The following CDIN1 variants were observed in gnomAD, a reference collection of about 807,000 sequenced individuals.
The protein encoded by CDIN1 is CDAN1 interacting nuclease 1.
A neutral mutation model predicts 45.3 loss-of-function variants in CDIN1; 33 were observed. That is an observed-to-expected ratio of 0.73 (90% CI 0.55 to 0.97). CDIN1 has a LOEUF of 0.97. CDIN1 is among the 50% of genes least tolerant of loss of function. CDIN1 has a pLI of 0.00. For synonymous variants in CDIN1, 118 were observed against 124.4 expected (o/e 0.95, Z 0.34); for missense variants, 303 against 339.4 (o/e 0.89, Z 0.84).
chr15:36,715,333 C>T (rs569602498), intron 10 of CDIN1, among the ~76,000 whole-genome samples: 2 of 152,258 alleles, frequency 1.3e-5, no homozygotes, highest in African/African-American at 2.4e-5. Context: ...GTTATTTACT[C>T]AATGGTCTGG....
At chr15:36,604,456 C>CACAT (rs1241807342) in intron 1 of CDIN1, among the ~76,000 whole-genome samples, 3 of 151,208 alleles carry the variant, frequency 2.0e-5, no homozygotes, top group African/African-American at 4.9e-5. Flanking sequence ...CACACACACA[C>CACAT]ATTTTAGAGT....
At chr15:36,599,754 A>G (rs1014513209) in intron 1 of CDIN1, among the ~76,000 whole-genome samples, 10 of 152,204 alleles carry the variant, frequency 6.6e-5, no homozygotes, top group Admixed American at 5.9e-4. Context: ...CAGCTCCACG[A>G]TGTTCTGACA....
chr15:36,740,147 A>T (rs2044179066), intron 10 of CDIN1, among the ~76,000 whole-genome samples: 1 of 152,198 alleles, frequency 6.6e-6, no homozygotes, highest in Non-Finnish European at 1.5e-5. Flanking sequence ...GTGTCAAGGA[A>T]ACATGTTTTC....
At chr15:36,797,298 G>C (rs2054833507) in intron 10 of CDIN1, among the ~76,000 whole-genome samples, 1 of 151,864 alleles carries the variant, frequency 6.6e-6, no homozygotes. Flanking sequence ...ATATGGCCAG[G>C]AACAGTAGTA....
chr15:36,655,391 A>G (rs1397040940), intron 4 of CDIN1, among the ~76,000 whole-genome samples: 1 of 144,570 alleles, frequency 6.9e-6, no homozygotes, highest in Non-Finnish European at 1.5e-5. Flanking sequence ...CAGTGGCGTG[A>G]TCTTAGCTCA....
intron 1 of CDIN1, among the ~76,000 whole-genome samples, chr15:36,628,020 A>G (rs1373544233): frequency 6.6e-6 from 1 of 151,386 alleles, no homozygotes; most frequent in Admixed American, 6.6e-5. Context: ...GAAACATTGT[A>G]AATTTTTTTT....
chr15:36,692,253 C>T, intron 7 of CDIN1, 78 bp downstream of exon 7: 4 of 1,362,510 alleles, frequency 2.9e-6, no homozygotes, highest in East Asian at 2.3e-5. Context: ...TTTAACCTGA[C>T]ATAAAGTTCT....
chr15:36,613,016 T>C (rs969044801), intron 1 of CDIN1, among the ~76,000 whole-genome samples: 5 of 152,234 alleles, frequency 3.3e-5, no homozygotes, highest in African/African-American at 1.2e-4. Flanking sequence ...GTATTTGATA[T>C]AGTCAAAATT....
intron 1 of CDIN1, among the ~76,000 whole-genome samples, chr15:36,606,653 T>C (rs569027041): frequency 1.3e-5 from 2 of 152,280 alleles, no homozygotes; most frequent in Admixed American, 1.3e-4. Context: ...CCCACAGCAG[T>C]TCTGTATTTA....
At chr15:36,601,121 C>G (rs1209983955) in intron 1 of CDIN1, among the ~76,000 whole-genome samples, 3 of 151,614 alleles carry the variant, frequency 2.0e-5, no homozygotes, top group Non-Finnish European at 4.4e-5. Context: ...GATTATTGTG[C>G]AGTGCTAACA....
chr15:36,642,263 G>T (rs2040140210), intron 1 of CDIN1, among the ~76,000 whole-genome samples: 1 of 152,188 alleles, frequency 6.6e-6, no homozygotes, highest in Non-Finnish European at 1.5e-5. Context: ...CTTCTATAAG[G>T]TTAGCACATA....
intron 1 of CDIN1, chr15:36,640,734 T>A (rs2040072241): frequency 1.4e-6 from 1 of 719,810 alleles, no homozygotes; most frequent in Non-Finnish European, 1.7e-6. Flanking sequence ...TGCAATTAAG[T>A]CTGTGCTCAG....
In CDIN1 at chr15:36,692,496, G is replaced by A. The variant is rs545139765; in HGVS notation, c.476+321G>A. Among the ~76,000 whole-genome samples the A allele has an allele frequency of 5.9e-5, 9 of 152,256 alleles. No individual in the cohort carries two copies. The South Asian group carries it at 1.9e-3, about 32-fold the overall frequency. ...TCTTGGAATGTATCTACCCATCCCAGTAAACATTTTTTAAAAATATAACAA... is the reference window on the plus strand; with the variant it reads ...TCTTGGAATGTATCTACCCATCCCAATAAACATTTTTTAAAAATATAACAA... On this transcript the variant is annotated intron_variant, in intron 7 of 10. Transcript: ENST00000566621.
chr15:36,716,232 A>G (rs962626664), intron 10 of CDIN1, among the ~76,000 whole-genome samples: 37 of 152,090 alleles, frequency 2.4e-4, no homozygotes, highest in African/African-American at 7.7e-4. Context: ...GGACCAGACA[A>G]TTGTTGAGAG....
intron 5 of CDIN1, among the ~76,000 whole-genome samples, chr15:36,669,614 T>G (rs2041373339): frequency 6.6e-6 from 1 of 152,074 alleles, no homozygotes; most frequent in South Asian, 2.1e-4. Flanking sequence ...ACTCCAGACG[T>G]AATTCAAATT....
chr15:36,763,614 T>C (rs2141004571), intron 10 of CDIN1, among the ~76,000 whole-genome samples: 1 of 152,290 alleles, frequency 6.6e-6, no homozygotes, highest in Admixed American at 6.5e-5. Context: ...CCCCGCCATG[T>C]TGTGGTGAGA....
At chr15:36,757,767 T>A (rs1343615448) in intron 10 of CDIN1, among the ~76,000 whole-genome samples, 1 of 152,094 alleles carries the variant, frequency 6.6e-6, no homozygotes, top group Non-Finnish European at 1.5e-5. Context: ...CCTGACCTAC[T>A]GTCAGGAGAG....
At chr15:36,735,530 C>T (rs1258913506) in intron 10 of CDIN1, among the ~76,000 whole-genome samples, 2 of 151,980 alleles carry the variant, frequency 1.3e-5, no homozygotes, top group Admixed American at 6.6e-5. Flanking sequence ...TCCTAAATCA[C>T]TAAAATTACC....
At chr15:36,594,918 G>T (rs1211101968) in intron 1 of CDIN1, 1 of 984,930 alleles carries the variant, frequency 1.0e-6, no homozygotes, top group Non-Finnish European at 1.2e-6. Flanking sequence ...GTTTAGTTGT[G>T]GTAAGTTCAT....
Sources: allele counts gnomAD v4.1 joint callset (sites outside exome capture counted in the v4.1 genomes callset), GRCh38; gene constraint gnomAD v4.1.1; transcripts MANE v1.5; gene names NCBI Gene and HGNC (gene_info 2026-07-23, HGNC 2026-07-21).